The following ADRA1B variants were observed in gnomAD, a reference collection of about 807,000 sequenced individuals.
The protein encoded by ADRA1B is adrenoceptor alpha 1B, also known as alpha-1B adrenergic receptor.
ADRA1B carries 17 observed loss-of-function variants against 17.9 expected under a neutral mutation model. The ratio of observed to expected loss-of-function variants is 0.95; its 90% CI spans 0.65 to 1.42. The LOEUF (loss-of-function observed/expected upper bound fraction) is 1.42, where lower values mean the gene tolerates loss of function less well. ADRA1B is among the 40% of genes most tolerant of loss of function. The probability of loss-of-function intolerance (pLI) is 0.00; values close to 1 mark genes in which losing one functional copy is unlikely to be tolerated. For synonymous variants in ADRA1B, 366 were observed against 327.6 expected (o/e 1.12, Z -1.27); for missense variants, 681 against 722.1 (o/e 0.94, Z 0.65).
In ADRA1B at chr5:159,917,774, A is replaced by G; in HGVS notation, c.869A>G (p.Lys290Arg). Residue 290 changes from lysine (K) to arginine (R), a missense_variant, in exon 1 of 2, where the codon AAG becomes AGG. This residue lies in a region of ADRA1B where 424 missense variants were observed against 480.2 expected (regional missense o/e 0.88). Transcript: ENST00000306675. Reference protein sequence around the residue: ...AVKLFKFSREKKAAKTLGIVV... With the variant: ...AVKLFKFSRERKAAKTLGIVV... ...AAACTTTTTAAGTTCTCCAGGGAAA[A>G]GAAAGCAGCTAAGACGTTGGGCATT... 2 of 1,614,042 alleles carry G rather than the reference A, an allele frequency of 1.2e-6. No homozygotes were observed. The highest frequency in any genetic ancestry group is 8.5e-7 in the Non-Finnish European group (1 of 1,180,032).
intron 1 of ADRA1B, among the ~76,000 whole-genome samples, chr5:159,938,887 A>G (rs770278985): frequency 5.3e-5 from 8 of 152,236 alleles, no homozygotes; most frequent in Non-Finnish European, 1.2e-4. Context: ...GGAAATGCTA[A>G]GAGACTCTAT....
chr5:159,952,295 A>T (rs1755459010), intron 1 of ADRA1B, among the ~76,000 whole-genome samples: 1 of 152,186 alleles, frequency 6.6e-6, no homozygotes, highest in African/African-American at 2.4e-5. Flanking sequence ...TAGGCACAGT[A>T]TGAGGTTAAG....
intron 1 of ADRA1B, among the ~76,000 whole-genome samples, chr5:159,953,449 G>A (rs775460366): frequency 2.6e-4 from 40 of 152,056 alleles, no homozygotes; most frequent in Non-Finnish European, 4.6e-4. Flanking sequence ...CCATCCCTGC[G>A]TGTAACCAGC....
intron 1 of ADRA1B, chr5:159,950,464 C>G: frequency 8.4e-7 from 1 of 1,193,296 alleles, no homozygotes; most frequent in Non-Finnish European, 1.2e-6. Context: ...TCCTCTCATG[C>G]TCTCACTGGG....
the ADRA1B span, among the ~76,000 whole-genome samples, chr5:159,986,093 G>A: frequency 1.3e-5 from 2 of 152,184 alleles, no homozygotes; most frequent in Non-Finnish European, 1.5e-5. Flanking sequence ...AGTTTCACAG[G>A]TGAGGACTAA....
intron 1 of ADRA1B, among the ~76,000 whole-genome samples, chr5:159,890,421 A>G (rs1753970102): frequency 6.6e-6 from 1 of 152,202 alleles, no homozygotes; most frequent in African/African-American, 2.4e-5. Flanking sequence ...TAGAGGCTTA[A>G]AACAACAATA....
chr5:159,959,144 C>A (rs1161174021), intron 1 of ADRA1B, among the ~76,000 whole-genome samples: 4 of 152,186 alleles, frequency 2.6e-5, no homozygotes, highest in Non-Finnish European at 5.9e-5. Context: ...CACCCCCTAA[C>A]AATGGCATTT....
chr5:159,972,173 GC>G lies in ADRA1B; in HGVS notation c.1245del (p.Ser415ArgfsTer40). The G allele has an allele frequency of 7.3e-7, 1 of 1,363,054 alleles. No individual in the cohort carries two copies. Among genetic ancestry groups the G allele is most frequent in the South Asian group, 1.6e-5 (1 of 60,730 alleles). The allele number at this position is 1,363,054 out of a possible 1,614,324, so 84.4% of individuals were successfully genotyped here. A position where few individuals can be genotyped will look rare whatever the true frequency, so the allele number is the denominator to read the frequency against. ...CTGGACGACAGCGGCAGCTGCCTGA[GC>G]GGCAGCCAGCGGACCCTGCCCTCGG... is the stretch of plus-strand genomic sequence containing the variant. Reference protein sequence around the residue: ...DSLDDSGSCLSGSQRTLPSAS... With the variant: ...DSLDDSGSCLXGSQRTLPSAS... On this transcript the variant is annotated frameshift_variant, in exon 2 of 2. Coordinates refer to ENST00000306675, the MANE Select transcript of ADRA1B (RefSeq NM_000679.4). LOFTEE classifies it low-confidence loss of function (END_TRUNC).
intron 1 of ADRA1B, chr5:159,947,941 T>C (rs1162647224): frequency 5.1e-6 from 5 of 985,322 alleles, no homozygotes; most frequent in African/African-American, 1.7e-5. Context: ...TCTTCCAAGC[T>C]CCAGCTGTCC....
At chr5:159,896,876 C>T (rs192284715) in intron 1 of ADRA1B, among the ~76,000 whole-genome samples, 4 of 152,352 alleles carry the variant, frequency 2.6e-5, no homozygotes, top group East Asian at 1.9e-4. Context: ...CATGGAAAAG[C>T]ACCTAACTCT....
intron 1 of ADRA1B, chr5:159,865,247 T>C (rs1328518608): frequency 6.6e-6 from 1 of 152,136 alleles, no homozygotes; most frequent in East Asian, 1.9e-4. Context: ...CAAGATGAAA[T>C]CCACTTTGGA....
downstream of ADRA1B, among the ~76,000 whole-genome samples, chr5:159,976,519 T>A (rs758845777): frequency 4.6e-5 from 7 of 151,868 alleles, no homozygotes; most frequent in Non-Finnish European, 8.8e-5. Flanking sequence ...ATATGAAAAT[T>A]AGCCAGGCGT....
intron 1 of ADRA1B, among the ~76,000 whole-genome samples, chr5:159,959,088 C>A (rs1252483129): frequency 6.6e-6 from 1 of 152,238 alleles, no homozygotes; most frequent in Non-Finnish European, 1.5e-5. Flanking sequence ...AAGACACAGA[C>A]CTCATCTTTA....
At chr5:159,877,408 G>A (rs1046501492) in intron 1 of ADRA1B, among the ~76,000 whole-genome samples, 3 of 152,144 alleles carry the variant, frequency 2.0e-5, no homozygotes, top group Admixed American at 1.3e-4. Context: ...TCTGGTTGCC[G>A]TGCACCCAAT....
chr5:159,881,195 A>G (rs1463187604), intron 1 of ADRA1B, among the ~76,000 whole-genome samples: 1 of 151,456 alleles, frequency 6.6e-6, no homozygotes, highest in African/African-American at 2.4e-5. Flanking sequence ...AAAAAAAAAA[A>G]AAAAAAAAAA....
At chr5:159,966,529 G>A (rs1755778813) in intron 1 of ADRA1B, among the ~76,000 whole-genome samples, 3 of 152,194 alleles carry the variant, frequency 2.0e-5, no homozygotes, top group South Asian at 2.1e-4. Flanking sequence ...CTGAGGACTT[G>A]TTCAGGGTGC....
At chr5:159,963,251 C>T (rs1755710439) in intron 1 of ADRA1B, among the ~76,000 whole-genome samples, 2 of 140,336 alleles carry the variant, frequency 1.4e-5, no homozygotes, top group South Asian at 4.9e-4. Context: ...TATACATGAG[C>T]ATTATGTTGA....
chr5:159,932,814 A>G (rs1305446912), intron 1 of ADRA1B, among the ~76,000 whole-genome samples: 1 of 152,214 alleles, frequency 6.6e-6, no homozygotes, highest in Non-Finnish European at 1.5e-5. Flanking sequence ...TTTCAATTTC[A>G]GTGGAAATTC....
At chr5:159,951,001 G>A in intron 1 of ADRA1B, 1 of 653,832 alleles carries the variant, frequency 1.5e-6, no homozygotes, top group Non-Finnish European at 2.9e-6. Context: ...CAATACCAAA[G>A]TTGTCATGGA....
Sources: gnomAD v4.1 joint callset for allele counts (sites outside exome capture counted in the v4.1 genomes callset) on GRCh38, gnomAD v4.1.1 for gene constraint, gnomAD v4.1.1 regional missense constraint, MANE v1.5 for transcripts, NCBI Gene and HGNC (gene_info 2026-07-23, HGNC 2026-07-21) for gene names.